The following ANO5 variants were observed in gnomAD, a reference collection of about 807,000 sequenced individuals.
The protein encoded by ANO5 is anoctamin 5, also known as anoctamin-5.
ANO5 carries 109 observed loss-of-function variants against 121.0 expected under a neutral mutation model. The ratio of observed to expected loss-of-function variants is 0.90; its 90% CI spans 0.77 to 1.06. The LOEUF (loss-of-function observed/expected upper bound fraction) is 1.06, where lower values mean the gene tolerates loss of function less well. Ranked by LOEUF, ANO5 falls within the 50% of genes least tolerant of loss-of-function variation. The pLI, the probability that ANO5 is intolerant of heterozygous loss-of-function variation, is 0.00. For missense variants in ANO5, 1,064 were observed against 1,078.5 expected (o/e 0.99, Z 0.19); for synonymous variants, 406 against 359.9 (o/e 1.13, Z -1.45).
chr11:22,270,580 G>A (rs1033478918), intron 18 of ANO5, 138 bp downstream of exon 18: 3 of 1,275,030 alleles, frequency 2.4e-6, no homozygotes, highest in Admixed American at 2.0e-5. Context: ...TGAGTGGAGG[G>A]ATATAAAGAA....
intron 1 of ANO5, among the ~76,000 whole-genome samples, chr11:22,194,425 C>T (rs1320781254): frequency 3.3e-5 from 5 of 152,140 alleles, no homozygotes; most frequent in African/African-American, 7.2e-5. Context: ...GCATCCTCCT[C>T]GTTCCCTTTT....
intron 8 of ANO5, 76 bp downstream of exon 8, chr11:22,236,352 C>A: frequency 8.2e-7 from 1 of 1,219,538 alleles, no homozygotes; most frequent in Non-Finnish European, 1.2e-6. Flanking sequence ...AGAGAATCTT[C>A]CTTTACTTCA....
chr11:22,202,228 G>C (rs762494170), intron 1 of ANO5, among the ~76,000 whole-genome samples: 1 of 151,906 alleles, frequency 6.6e-6, no homozygotes, highest in South Asian at 2.1e-4. Flanking sequence ...TTCACATACA[G>C]CCTCGTTTTA....
At chr11:22,205,111 C>T (rs943251949) in intron 2 of ANO5, among the ~76,000 whole-genome samples, 2 of 152,054 alleles carry the variant, frequency 1.3e-5, no homozygotes, top group Non-Finnish European at 2.9e-5. Flanking sequence ...AAACCAAATA[C>T]CCCATGTTCT....
At chr11:22,233,019 G>A (rs1853094109) in intron 7 of ANO5, among the ~76,000 whole-genome samples, 1 of 151,986 alleles carries the variant, frequency 6.6e-6, no homozygotes, top group African/African-American at 2.4e-5. Context: ...CCGCAAGTTT[G>A]ACTTGACAGT....
chr11:22,202,925 A>T (rs1852006535), intron 1 of ANO5, among the ~76,000 whole-genome samples: 1 of 152,148 alleles, frequency 6.6e-6, no homozygotes, highest in Admixed American at 6.6e-5. Flanking sequence ...ATCTGTAAAG[A>T]CTACATTTCC....
intron 18 of ANO5, among the ~76,000 whole-genome samples, chr11:22,271,882 G>A (rs1245305602): frequency 6.6e-6 from 1 of 152,096 alleles, no homozygotes; most frequent in African/African-American, 2.4e-5. Flanking sequence ...TACCTCGTAG[G>A]TTAGGTAGAG....
chr11:22,193,508 C>A lies in ANO5; in HGVS notation c.16C>A (p.Leu6Ile). 1 of 1,613,170 alleles carries A rather than the reference C, an allele frequency of 6.2e-7. No homozygotes were observed. Among genetic ancestry groups the A allele is most frequent in the East Asian group, 2.2e-5 (1 of 44,824 alleles). ...GCTGGCGAAGATGGGCGACCCGGAT[C>A]TCCTGGAAGTGTTGGCGGAGGAAGG... MGDPD[L>I]LEVLAEEGEK... Residue 6 changes from leucine (L) to isoleucine (I), a missense_variant, in exon 1 of 22, where the codon CTC becomes ATC. Transcript: ENST00000324559.
intron 2 of ANO5, among the ~76,000 whole-genome samples, chr11:22,207,815 C>A (rs1351600265): frequency 6.6e-6 from 1 of 151,678 alleles, no homozygotes; most frequent in African/African-American, 2.4e-5. Context: ...TATAAAGAAC[C>A]CATAAAATTT....
chr11:22,197,295 T>G (rs967232617), intron 1 of ANO5, among the ~76,000 whole-genome samples: 1 of 152,176 alleles, frequency 6.6e-6, no homozygotes, highest in Admixed American at 6.5e-5. Flanking sequence ...AATAGAGCAC[T>G]TAATTAGTTA....
intron 17 of ANO5, among the ~76,000 whole-genome samples, chr11:22,265,667 A>G (rs1854333705): frequency 6.6e-6 from 1 of 152,144 alleles, no homozygotes; most frequent in Non-Finnish European, 1.5e-5. Flanking sequence ...ATTATCCCCA[A>G]ATTGATATAT....
intron 19 of ANO5, among the ~76,000 whole-genome samples, chr11:22,274,236 G>T (rs1054187383): frequency 3.3e-5 from 5 of 151,386 alleles, no homozygotes; most frequent in Admixed American, 6.6e-5. Flanking sequence ...AAGTTAATTT[G>T]GTTAAAGATA....
rs1470525194 is a variant in ANO5 at position 22,217,508 on chromosome 11, T to C, written c.139-738T>C. Among the ~76,000 whole-genome samples, 3 of 152,170 alleles carry C rather than the reference T, an allele frequency of 2.0e-5. No homozygotes were observed. In the East Asian group the frequency reaches 5.8e-4, roughly 29 times the overall value. On this transcript the variant is annotated intron_variant, in intron 3 of 21. Transcript: ENST00000324559. Reference sequence around the variant, plus strand: ...TATAAATGTGGTAATTTTAATTTCTTTTCCTGATATATACAGGCATACTTA... The same window carrying C: ...TATAAATGTGGTAATTTTAATTTCTCTTCCTGATATATACAGGCATACTTA...
At position 22,218,280 on chromosome 11, in the gene ANO5, GGCT is replaced by G; in HGVS notation, c.174_176del (p.Leu59del). 1 of 1,613,274 alleles carries G rather than the reference GGCT, an allele frequency of 6.2e-7. No homozygotes were observed. The highest frequency in any genetic ancestry group is 8.5e-7 in the Non-Finnish European group (1 of 1,179,642). On this transcript the variant is annotated inframe_deletion, in exon 4 of 22. Coordinates refer to ENST00000324559, the MANE Select transcript of ANO5 (RefSeq NM_213599.3). ...CGATTCAATTTGTTCCTGAGGCGGC[GGCT>G]TATGGTAAAACCAGTGCTGAATGAT...
chr11:22,213,188 A>C (rs1852335849), intron 3 of ANO5, among the ~76,000 whole-genome samples: 2 of 151,864 alleles, frequency 1.3e-5, no homozygotes, highest in Admixed American at 1.3e-4. Flanking sequence ...GTAACAATTA[A>C]TGAACCTATA....
chr11:22,272,004 G>A lies in ANO5; in HGVS notation c.2030-780G>A, dbSNP rs1470304699. ...TATTTGAGATATATTTAAAAATGGA[G>A]GAATAACGGAAATTTTTTTCCTTTA... On this transcript the variant is annotated intron_variant, in intron 18 of 21. Coordinates refer to ENST00000324559, the MANE Select transcript of ANO5 (RefSeq NM_213599.3). 2.0e-5 allele frequency among the ~76,000 whole-genome samples: 3 copies of A among 151,982 alleles called. No individual in the cohort carries two copies. In the East Asian group the frequency reaches 5.8e-4, roughly 29 times the overall value.
intron 9 of ANO5, among the ~76,000 whole-genome samples, chr11:22,247,891 T>C (rs896196251): frequency 3.9e-5 from 6 of 152,096 alleles, no homozygotes; most frequent in African/African-American, 1.4e-4. Flanking sequence ...TCAGGTAATT[T>C]GTTTTTGATA....
rs137854521 is a variant in ANO5, at chr11:22,221,100, C to CA, written c.191dup (p.Asn64LysfsTer15). Reference sequence around the variant, plus strand: ...GTGTCATTTATGTCTCCTGCAGTTTCAAAAAAATCAGCAAAGCAAAGATTC... The same window carrying CA: ...GTGTCATTTATGTCTCCTGCAGTTTCAAAAAAAATCAGCAAAGCAAAGATTC... On this transcript the variant is annotated frameshift_variant, in exon 5 of 22. Coordinates refer to ENST00000324559, the MANE Select transcript of ANO5 (RefSeq NM_213599.3). LOFTEE classifies it high-confidence loss of function. 2.1e-3 allele frequency: 3,350 copies of CA among 1,609,056 alleles called. 4 individuals carry two copies. Among genetic ancestry groups the CA allele is most frequent in the Non-Finnish European group, 2.7e-3 (3,169 of 1,176,516 alleles).
chr11:22,218,115 TCACACACACA>T (rs71034578), intron 3 of ANO5, 121 bp from the exon 4 acceptor site: 3 of 607,672 alleles, frequency 4.9e-6, no homozygotes, highest in South Asian at 4.1e-5. Flanking sequence ...GTTTGAAATA[TCACACACACA>T]CACACACACA....
Sources: allele counts gnomAD v4.1 joint callset (sites outside exome capture counted in the v4.1 genomes callset), GRCh38; gene constraint gnomAD v4.1.1; transcripts MANE v1.5; gene names NCBI Gene and HGNC (gene_info 2026-07-23, HGNC 2026-07-21).